HS3ST2: variants seen among roughly 807,000 people sequenced by gnomAD.
HS3ST2 encodes heparan sulfate glucosamine 3-O-sulfotransferase 2.
HS3ST2 carries 17 observed loss-of-function variants against 26.3 expected under a neutral mutation model. The observed-to-expected ratio is 0.65, with a 90% confidence interval of 0.44 to 0.97. The LOEUF (loss-of-function observed/expected upper bound fraction) is 0.97. Among genes scored for constraint, HS3ST2 ranks in the 50% least tolerant of loss-of-function variants. The pLI is 0.00. For missense variants in HS3ST2, 402 were observed against 501.2 expected, an observed-to-expected ratio of 0.80 and a Z score of 1.89; for synonymous variants, 237 against 219.2, an observed-to-expected ratio of 1.08 and a Z score of -0.72.
At chr16:22,846,599 C>T (rs532099239) in intron 1 of HS3ST2, among the ~76,000 whole-genome samples, 8 of 152,112 alleles carry the variant, frequency 5.3e-5, no homozygotes, top group South Asian at 2.1e-4. Flanking sequence ...CATTTCACAC[C>T]GATTAGACTG....
intron 1 of HS3ST2, among the ~76,000 whole-genome samples, chr16:22,902,009 A>AT (rs1273807863): frequency 6.6e-6 from 1 of 152,206 alleles, no homozygotes; most frequent in African/African-American, 2.4e-5. Flanking sequence ...CCCAGCCCAG[A>AT]TCCCCCAAGG....
At chr16:22,901,764 C>T (rs1016994665) in intron 1 of HS3ST2, among the ~76,000 whole-genome samples, 2 of 152,078 alleles carry the variant, frequency 1.3e-5, no homozygotes, top group Admixed American at 6.6e-5. Flanking sequence ...ACATTTTCAC[C>T]TTCCATATCC....
intron 1 of HS3ST2, among the ~76,000 whole-genome samples, chr16:22,865,318 G>C (rs901247573): frequency 1.3e-5 from 2 of 152,094 alleles, no homozygotes; most frequent in African/African-American, 4.8e-5. Flanking sequence ...ACTTTGGGAG[G>C]CCGAGGAGGG....
At chr16:22,896,033 A>G (rs1167277378) in intron 1 of HS3ST2, among the ~76,000 whole-genome samples, 4 of 151,980 alleles carry the variant, frequency 2.6e-5, no homozygotes, top group Non-Finnish European at 5.9e-5. Context: ...ACTGGACTCA[A>G]AATCCTGGGC....
At chr16:22,831,366 A>G (rs1901165206) in intron 1 of HS3ST2, among the ~76,000 whole-genome samples, 1 of 152,202 alleles carries the variant, frequency 6.6e-6, no homozygotes, top group South Asian at 2.1e-4. Context: ...TCTGGCTGAC[A>G]TTATAAAGTC....
chr16:22,850,795 A>G (rs1901508128), intron 1 of HS3ST2, among the ~76,000 whole-genome samples: 1 of 152,188 alleles, frequency 6.6e-6, no homozygotes, highest in East Asian at 1.9e-4. Flanking sequence ...TCAAAAAACA[A>G]AAACAACAGA....
intron 1 of HS3ST2, chr16:22,833,484 G>A: frequency 2.6e-6 from 1 of 378,982 alleles, no homozygotes. Context: ...AACAAAATGG[G>A]GAGGAGGGGC....
chr16:22,889,454 T>C (rs755262886), intron 1 of HS3ST2, among the ~76,000 whole-genome samples: 3 of 152,208 alleles, frequency 2.0e-5, no homozygotes, highest in Non-Finnish European at 4.4e-5. Context: ...AAATTTGGAA[T>C]GCTCCAGAAT....
chr16:22,853,633 A>C (rs1201652110), intron 1 of HS3ST2, among the ~76,000 whole-genome samples: 3 of 152,148 alleles, frequency 2.0e-5, no homozygotes, highest in Non-Finnish European at 4.4e-5. Flanking sequence ...TATGGCAGAG[A>C]CTTCAAGATG....
intron 1 of HS3ST2, among the ~76,000 whole-genome samples, chr16:22,881,849 AC>A (rs754610081): frequency 2.6e-5 from 4 of 152,178 alleles, no homozygotes; most frequent in Non-Finnish European, 5.9e-5. Flanking sequence ...TCCTTTGTAA[AC>A]ATCAGCAAAA....
At chr16:22,901,234 C>T (rs954117230) in intron 1 of HS3ST2, among the ~76,000 whole-genome samples, 8 of 152,166 alleles carry the variant, frequency 5.3e-5, no homozygotes, top group African/African-American at 1.9e-4. Flanking sequence ...TTCAAGTCAT[C>T]CGCAATTTTT....
At chr16:22,877,411 A>G (rs143353705) in intron 1 of HS3ST2, among the ~76,000 whole-genome samples, 16 of 152,326 alleles carry the variant, frequency 1.1e-4, no homozygotes, top group Non-Finnish European at 1.5e-4. Flanking sequence ...AGTTGACTCA[A>G]CATGAGCAGA....
chr16:22,905,693 A>G (rs1902342771), intron 1 of HS3ST2, among the ~76,000 whole-genome samples: 1 of 152,122 alleles, frequency 6.6e-6, no homozygotes, highest in South Asian at 2.1e-4. Flanking sequence ...AACAATCTTC[A>G]CTCTCAAAAT....
chr16:22,823,175 G>C (rs370067810), intron 1 of HS3ST2, among the ~76,000 whole-genome samples: 35 of 152,222 alleles, frequency 2.3e-4, no homozygotes, highest in Admixed American at 5.9e-4. Flanking sequence ...AAATAAGTTA[G>C]ATTGAAAACA....
intron 1 of HS3ST2, among the ~76,000 whole-genome samples, chr16:22,828,164 C>T (rs1260745742): frequency 6.6e-6 from 1 of 152,210 alleles, no homozygotes; most frequent in Non-Finnish European, 1.5e-5. Context: ...ACATTACGTT[C>T]TACTGTAGCT....
chr16:22,868,360 G>C (rs775334721), intron 1 of HS3ST2, among the ~76,000 whole-genome samples: 1 of 125,870 alleles, frequency 7.9e-6, no homozygotes, highest in East Asian at 2.7e-4. Flanking sequence ...AGTGAGCCAA[G>C]ATCAGGCCAC....
intron 1 of HS3ST2, among the ~76,000 whole-genome samples, chr16:22,861,038 T>C (rs1277270505): frequency 6.6e-6 from 1 of 151,938 alleles, no homozygotes; most frequent in Non-Finnish European, 1.5e-5. Context: ...CACACCTATA[T>C]AATTTTTAAA....
chr16:22,902,374 T>G (rs2141204904), intron 1 of HS3ST2, among the ~76,000 whole-genome samples: 1 of 152,340 alleles, frequency 6.6e-6, no homozygotes, highest in Non-Finnish European at 1.5e-5. Context: ...ATTTCCTGCT[T>G]AGACAATAGT....
intron 1 of HS3ST2, among the ~76,000 whole-genome samples, chr16:22,902,648 G>A (rs1308453170): frequency 1.3e-5 from 2 of 152,198 alleles, no homozygotes; most frequent in African/African-American, 4.8e-5. Context: ...CTGCATCAAT[G>A]TATATGTCTA....
Sources: allele counts gnomAD v4.1 joint callset (sites outside exome capture counted in the v4.1 genomes callset), GRCh38; gene constraint gnomAD v4.1.1; transcripts MANE v1.5; gene names NCBI Gene and HGNC (gene_info 2026-07-23, HGNC 2026-07-21).